The following CYBRD1 variants were observed in gnomAD, a reference collection of about 807,000 sequenced individuals.
CYBRD1 encodes the protein cytochrome b reductase 1.
A neutral mutation model predicts 21.9 loss-of-function variants in CYBRD1; 14 were observed. The ratio of observed to expected loss-of-function variants is 0.64; its 90% confidence interval spans 0.42 to 1.00. The LOEUF is 1.00. Among genes scored for constraint, CYBRD1 ranks in the 50% least tolerant of loss-of-function variants. The probability of loss-of-function intolerance (pLI) is 0.00; values close to 1 mark genes in which losing one functional copy is unlikely to be tolerated. For missense variants in CYBRD1, 328 were observed against 352.5 expected, an observed-to-expected ratio of 0.93 and a Z score of 0.56; for synonymous variants, 146 against 136.5, an observed-to-expected ratio of 1.07 and a Z score of -0.48.
intron 1 of CYBRD1, among the ~76,000 whole-genome samples, chr2:171,535,984 A>G (rs78592603): frequency 0.046 from 7,013 of 152,058 alleles, 516 homozygotes; most frequent in African/African-American, 0.16. Context: ...AACAACATAC[A>G]TGCATAAAAG....
chr2:171,557,058 T>A lies in CYBRD1; in HGVS notation c.*2231T>A, dbSNP rs1683499347. ...CACCCCCCATCTCAGCCCTTTATTT[T>A]ATCTTTCATGTGGGCTAATGTGAGG... On this transcript the variant is annotated 3_prime_UTR_variant, in exon 4 of 4. Transcript: ENST00000321348. The A allele has an allele frequency of 6.6e-6, 1 of 152,644 alleles. No individual in the cohort carries two copies. Among genetic ancestry groups the A allele is most frequent in the African/African-American group, 2.4e-5 (1 of 41,456 alleles). 9.5% of individuals were successfully genotyped at this position (152,644 alleles called of 1,614,324 possible). A position where few individuals can be genotyped will look rare whatever the true frequency, so the allele number is the denominator to read the frequency against.
chr2:171,557,037 C>G lies in CYBRD1; in HGVS notation c.*2210C>G, dbSNP rs1009660593. The G allele has an allele frequency of 6.6e-6, 1 of 152,564 alleles. No homozygotes were observed. Among genetic ancestry groups the G allele is most frequent in the African/African-American group, 2.4e-5 (1 of 41,430 alleles). The allele number at this position is 152,564 out of a possible 1,614,324, so 9.5% of individuals were successfully genotyped here. ...CACTGTTGCAAAGTATTTAAGCACC[C>G]CCCATCTCAGCCCTTTATTTTATCT... On this transcript the variant is annotated 3_prime_UTR_variant, in exon 4 of 4. Coordinates refer to ENST00000321348, the MANE Select transcript of CYBRD1 (RefSeq NM_024843.4).
In CYBRD1 at chr2:171,556,458, TTG is replaced by T. The variant is rs1397744743; in HGVS notation, c.*1632_*1633del. On this transcript the variant is annotated 3_prime_UTR_variant, in exon 4 of 4. Coordinates refer to ENST00000321348, the MANE Select transcript of CYBRD1 (RefSeq NM_024843.4). ...ATGCTGAAATGATACTTTTCATTTT[TTG>T]GTTGATTTTTTTGCCTTCCCTTCAA... 1 of 152,198 alleles carries T rather than the reference TTG, an allele frequency of 6.6e-6. No homozygotes were observed. Among genetic ancestry groups the T allele is most frequent in the Non-Finnish European group, 1.5e-5 (1 of 68,028 alleles). 9.4% of individuals were successfully genotyped at this position (152,198 alleles called of 1,614,324 possible).
chr2:171,546,442 T>C (rs1188513287), intron 2 of CYBRD1, among the ~76,000 whole-genome samples: 1 of 152,212 alleles, frequency 6.6e-6, no homozygotes, highest in Non-Finnish European at 1.5e-5. Context: ...GCAGATGACA[T>C]TTTCCACTTC....
In CYBRD1 at chr2:171,541,591, T is replaced by C. The variant is rs1697632144; in HGVS notation, c.200T>C (p.Ile67Thr). Residue 67 changes from isoleucine (I) to threonine (T), a missense_variant, in exon 2 of 4, where the codon ATC becomes ACC. Physicochemically the swap from Ile to Thr is moderately conservative, Grantham distance 89. Coordinates refer to ENST00000321348, the MANE Select transcript of CYBRD1 (RefSeq NM_024843.4). ...GFVFIQGIAI[I>T]VYRLPWTWKC... ...TCCTTTCGTCTTTCCCTAGCCATCA[T>C]CGTCTACAGACTGCCGTGGACCTGG... 1 of 1,613,780 alleles carries C rather than the reference T, an allele frequency of 6.2e-7. No homozygotes were observed. Among genetic ancestry groups the C allele is most frequent in the African/African-American group, 1.3e-5 (1 of 74,910 alleles).
Position 171,553,362 on chromosome 2 carries a change from C to T in CYBRD1, c.419C>T (p.Ser140Leu). 1 of 1,613,484 alleles carries T rather than the reference C, an allele frequency of 6.2e-7. No homozygotes were observed. Among genetic ancestry groups the T allele is most frequent in the Non-Finnish European group, 8.5e-7 (1 of 1,179,642 alleles). ...GGTGTTTAGCTTCTTTCAGGTTTTT[C>T]AGTCTTTCTGCTTCCATGGGCTCCG... ...CYLLQLLSGF[S>L]VFLLPWAPLS... The change falls in exon 3 of 4, where the codon TCA (serine) becomes TTA (leucine). Residue 140 changes from serine (S) to leucine (L), a missense_variant. Physicochemically the swap from Ser to Leu is moderately radical, Grantham distance 145. Coordinates refer to ENST00000321348, the MANE Select transcript of CYBRD1 (RefSeq NM_024843.4).
In CYBRD1 at chr2:171,522,767, G is replaced by A; in HGVS notation, c.193+29G>A. ...CTGGCACCTCCTGGGGGGGTGCGGG[G>A]AGGAAAGCGGGGAGAACGGCGGGGG... On this transcript the variant is annotated intron_variant, in intron 1 of 3. Transcript: ENST00000321348. This position sits in a 1 kb window ranked among gnomAD's most constrained non-coding sequence, Gnocchi z 4.3. 9 of 1,612,572 alleles carry A rather than the reference G, an allele frequency of 5.6e-6. No individual in the cohort carries two copies. Among genetic ancestry groups the A allele is most frequent in the Middle Eastern group, 1.7e-4 (1 of 6,052 alleles).
Position 171,554,816 on chromosome 2 carries a change from T to C in CYBRD1, c.850T>C (p.Ser284Pro). 7 of 1,613,062 alleles carry C rather than the reference T, an allele frequency of 4.3e-6. No individual in the cohort carries two copies. The highest frequency in any genetic ancestry group is 4.2e-6 in the Non-Finnish European group (5 of 1,179,874). ...NLALDEAGQR[S>P]TM ...AGCTCTGGATGAGGCTGGGCAGAGA[T>C]CTACCATGTAAAATGTTGTAGAGAT... Residue 284 changes from serine to proline, a missense_variant, in exon 4 of 4, where the codon TCT (serine) becomes CCT (proline). Coordinates refer to ENST00000321348, the MANE Select transcript of CYBRD1 (RefSeq NM_024843.4).
chr2:171,554,905 G>C lies in CYBRD1; in HGVS notation c.*78G>C. ...GTTTTGCTTCTCCTATTAGCCATAT[G>C]ATAATTGGGCTATGTAGTATCAATA... On this transcript the variant is annotated 3_prime_UTR_variant, in exon 4 of 4. Transcript: ENST00000321348. 1 of 1,417,832 alleles carries C rather than the reference G, an allele frequency of 7.1e-7. No individual in the cohort carries two copies. The highest frequency in any genetic ancestry group is 9.9e-7 in the Non-Finnish European group (1 of 1,011,644). The allele number at this position is 1,417,832 out of a possible 1,614,324, so 87.8% of individuals were successfully genotyped here.
In CYBRD1 at chr2:171,554,597, T is replaced by G. The variant is rs1183119395; in HGVS notation, c.631T>G (p.Phe211Val). 6.2e-7 allele frequency: 1 copy of G among 1,614,030 alleles called. No homozygotes were observed. Among genetic ancestry groups the G allele is most frequent in the South Asian group, 1.1e-5 (1 of 91,084 alleles). The change falls in exon 4 of 4, where the codon TTC becomes GTC. Residue 211 changes from phenylalanine (F) to valine (V), a missense_variant. By Grantham distance (50) the Phe-to-Val change is conservative. Coordinates refer to ENST00000321348, the MANE Select transcript of CYBRD1 (RefSeq NM_024843.4). Reference sequence around the variant, plus strand: ...TACGCTTGGCCTTCTGATCCTGGTGTTCGGGGCCCTCATTTTTTGGATAGT... The same window carrying G: ...TACGCTTGGCCTTCTGATCCTGGTGGTCGGGGCCCTCATTTTTTGGATAGT... ...VNTLGLLILV[F>V]GALIFWIVTR...
intron 1 of CYBRD1, among the ~76,000 whole-genome samples, chr2:171,529,611 G>A (rs1384597954): frequency 6.6e-6 from 1 of 151,570 alleles, no homozygotes; most frequent in African/African-American, 2.4e-5. Flanking sequence ...AAGGATGTAG[G>A]ACAGAAGTCA....
At chr2:171,554,489 C>T in intron 3 of CYBRD1, 35 bp from the exon 4 acceptor site, 1 of 1,608,278 alleles carries the variant, frequency 6.2e-7, no homozygotes, top group Non-Finnish European at 8.5e-7. Flanking sequence ...GCTGTATCAT[C>T]CTGTTTGTAA....
chr2:171,524,399 C>G (rs1263912485), intron 1 of CYBRD1, among the ~76,000 whole-genome samples: 1 of 152,206 alleles, frequency 6.6e-6, no homozygotes, highest in Admixed American at 6.5e-5. Flanking sequence ...AAGAGTAGAG[C>G]CAGTCTCCTC....
chr2:171,553,338 G>A lies in CYBRD1; in HGVS notation c.403-8G>A. On this transcript the variant is annotated splice_polypyrimidine_tract_variant and splice_region_variant and intron_variant, in intron 2 of 3. Transcript: ENST00000321348. ...TAAATGATAACCTTTGCACTTTTTGGTGTTTAGCTTCTTTCAGGTTTTTCA... is the reference window on the plus strand; with the variant it reads ...TAAATGATAACCTTTGCACTTTTTGATGTTTAGCTTCTTTCAGGTTTTTCA... The A allele has an allele frequency of 6.2e-7, 1 of 1,613,190 alleles. No individual in the cohort carries two copies. The highest frequency in any genetic ancestry group is 8.5e-7 in the Non-Finnish European group (1 of 1,179,474).
At chr2:171,544,330 A>C (rs1697679381) in intron 2 of CYBRD1, among the ~76,000 whole-genome samples, 1 of 152,208 alleles carries the variant, frequency 6.6e-6, no homozygotes, top group African/African-American at 2.4e-5. Context: ...ATCTTTTGAT[A>C]AACAGAAATT....
intron 2 of CYBRD1, among the ~76,000 whole-genome samples, chr2:171,544,512 G>A (rs1332864178): frequency 6.6e-6 from 1 of 151,748 alleles, no homozygotes; most frequent in Non-Finnish European, 1.5e-5. Flanking sequence ...TTCTACTCTA[G>A]TACACAGAAA....
rs141066454 is a variant in CYBRD1 at position 171,523,829 on chromosome 2, G to T, written c.193+1091G>T. On this transcript the variant is annotated intron_variant, in intron 1 of 3. Coordinates refer to ENST00000321348, the MANE Select transcript of CYBRD1 (RefSeq NM_024843.4). ...TTTATTTGTAACCACTTCCCCAAAG[G>T]CACGGCCTTCAGAAAGTAGTTAGAG... is the stretch of plus-strand genomic sequence containing the variant. Among the ~76,000 whole-genome samples the T allele has an allele frequency of 7.2e-3, 1,103 of 152,324 alleles. 6 individuals are homozygous for T. Among genetic ancestry groups the T allele is most frequent in the Non-Finnish European group, 0.012 (787 of 68,020 alleles).
At chr2:171,528,709 T>C (rs1697419890) in intron 1 of CYBRD1, among the ~76,000 whole-genome samples, 1 of 152,226 alleles carries the variant, frequency 6.6e-6, no homozygotes, top group Non-Finnish European at 1.5e-5. Context: ...CAAATATCTG[T>C]TTGCCTACTC....
At chr2:171,528,381 G>T (rs1324379533) in intron 1 of CYBRD1, among the ~76,000 whole-genome samples, 1 of 151,784 alleles carries the variant, frequency 6.6e-6, no homozygotes, top group East Asian at 1.9e-4. Context: ...CACCACGTCT[G>T]GCCGGGACAC....
Sources: allele counts gnomAD v4.1 joint callset (sites outside exome capture counted in the v4.1 genomes callset), GRCh38; gene constraint gnomAD v4.1.1; non-coding constraint Gnocchi (gnomAD v3.1); transcripts MANE v1.5; gene names NCBI Gene and HGNC (gene_info 2026-07-23, HGNC 2026-07-21).